Variants in LRRC72 observed in about 807,000 individuals in gnomAD.
LRRC72 encodes leucine rich repeat containing 72, also known as leucine-rich repeat-containing protein 72.
In LRRC72, 41 loss-of-function variants were observed where a neutral mutation model predicts 35.8. The ratio of observed to expected loss-of-function variants is 1.15; its 90% CI spans 0.89 to 1.49. The LOEUF (loss-of-function observed/expected upper bound fraction) is 1.49, where lower values mean the gene tolerates loss of function less well. Ranked by LOEUF, LRRC72 falls within the 40% of genes most tolerant of loss-of-function variation. LRRC72 has a pLI of 0.00. For synonymous variants in LRRC72, 118 were observed against 119.2 expected, an observed-to-expected ratio of 0.99 and a Z score of 0.07; for missense variants, 389 against 330.7, an observed-to-expected ratio of 1.18 and a Z score of -1.37.
At chr7:16,540,274 G>T (rs752679701) in intron 3 of LRRC72, among the ~76,000 whole-genome samples, 19 of 152,172 alleles carry the variant, frequency 1.2e-4, no homozygotes, top group Non-Finnish European at 2.4e-4. Flanking sequence ...GCCCCACCTG[G>T]TTTCTGAATT....
intron 3 of LRRC72, among the ~76,000 whole-genome samples, chr7:16,552,512 G>T (rs1299046546): frequency 6.6e-6 from 1 of 152,192 alleles, no homozygotes; most frequent in Non-Finnish European, 1.5e-5. Flanking sequence ...AACAAGTGCA[G>T]TTACTTGTGT....
chr7:16,564,622 C>A (rs1022607437), intron 5 of LRRC72, among the ~76,000 whole-genome samples: 2 of 152,002 alleles, frequency 1.3e-5, no homozygotes, highest in African/African-American at 4.8e-5. Context: ...TATGCCTTTC[C>A]TCACTCCTGT....
At chr7:16,528,011 A>G (rs1470688650) in intron 1 of LRRC72, among the ~76,000 whole-genome samples, 1 of 152,064 alleles carries the variant, frequency 6.6e-6, no homozygotes, top group Admixed American at 6.6e-5. Context: ...TTCTCCTTTT[A>G]GGTTAACCAA....
chr7:16,561,098 A>C (rs1006552763), intron 5 of LRRC72, among the ~76,000 whole-genome samples: 3 of 152,050 alleles, frequency 2.0e-5, no homozygotes, highest in African/African-American at 4.8e-5. Flanking sequence ...TTTATAATCT[A>C]TTCATTCATT....
Position 16,558,874 on chromosome 7 carries a change from T to A in LRRC72, c.317-15T>A. On this transcript the variant is annotated splice_polypyrimidine_tract_variant and intron_variant, in intron 4 of 8. Transcript: ENST00000401542. Reference sequence around the variant, plus strand: ...AAATGTTTAAAATCTTGTAAAAATATTCTGTTTTTTTTAGGTCTGCATTAT... The same window carrying A: ...AAATGTTTAAAATCTTGTAAAAATAATCTGTTTTTTTTAGGTCTGCATTAT... 1.5e-6 allele frequency: 2 copies of A among 1,347,442 alleles called. No homozygotes were observed. The highest frequency in any genetic ancestry group is 2.0e-6 in the Non-Finnish European group (2 of 1,021,718). 83.5% of individuals were successfully genotyped at this position (1,347,442 alleles called of 1,614,324 possible).
intron 1 of LRRC72, among the ~76,000 whole-genome samples, chr7:16,527,477 T>C (rs926243318): frequency 6.6e-6 from 1 of 152,028 alleles, no homozygotes; most frequent in East Asian, 1.9e-4. Context: ...TGTGTGGATG[T>C]GGGTGTGGGT....
chr7:16,574,810 T>C (rs1783009221), intron 7 of LRRC72, among the ~76,000 whole-genome samples: 1 of 151,198 alleles, frequency 6.6e-6, no homozygotes, highest in South Asian at 2.1e-4. Flanking sequence ...AATATATATA[T>C]ATATATTTTA....
chr7:16,565,526 AAT>A (rs1414611399), intron 5 of LRRC72, among the ~76,000 whole-genome samples: 4 of 152,208 alleles, frequency 2.6e-5, no homozygotes, highest in African/African-American at 9.6e-5. Context: ...GAATAGGGAA[AAT>A]ATCTTTTTTT....
At chr7:16,579,527 G>GT (rs1783104899) in intron 7 of LRRC72, among the ~76,000 whole-genome samples, 1 of 152,056 alleles carries the variant, frequency 6.6e-6, no homozygotes, top group South Asian at 2.1e-4. Flanking sequence ...GGAAGACACC[G>GT]TAAGAAATCC....
chr7:16,536,943 A>T (rs1229430915), intron 2 of LRRC72: 3 of 152,200 alleles, frequency 2.0e-5, no homozygotes, highest in Non-Finnish European at 4.4e-5. Flanking sequence ...AGATCCAACT[A>T]CTCCAGGCCA....
In LRRC72 at chr7:16,581,503, T is replaced by A. The variant is rs1219501062; in HGVS notation, c.*14T>A. ...ACACTGAGATAAGCCCTGGTATTTC[T>A]AGATATCTTAGTGGTTTTCAGTTGT... On this transcript the variant is annotated 3_prime_UTR_variant, in exon 9 of 9. Coordinates refer to ENST00000401542, the MANE Select transcript of LRRC72 (RefSeq NM_001195280.2). The A allele has an allele frequency of 6.6e-7, 1 of 1,520,234 alleles. No individual in the cohort carries two copies. Among genetic ancestry groups the A allele is most frequent in the Non-Finnish European group, 8.8e-7 (1 of 1,133,054 alleles). The allele number at this position is 1,520,234 out of a possible 1,614,324, so 94.2% of individuals were successfully genotyped here.
In LRRC72 at chr7:16,537,632, T is replaced by C; in HGVS notation, c.170T>C (p.Leu57Pro). ...VFELFLSKKE[L>P]TEVIDLSRFK... ...CATTTTTTTTTTCTTTCCAGGGAAC[T>C]GACAGAGGTCATTGATCTTTCTAGG... Residue 57 changes from leucine to proline, a missense_variant, in exon 3 of 9, where the codon CTG (leucine) becomes CCG (proline). Leu to Pro is a moderately conservative substitution (Grantham distance 98). Coordinates refer to ENST00000401542, the MANE Select transcript of LRRC72 (RefSeq NM_001195280.2). The C allele has an allele frequency of 6.6e-7, 1 of 1,523,746 alleles. No individual in the cohort carries two copies. The highest frequency in any genetic ancestry group is 8.8e-7 in the Non-Finnish European group (1 of 1,131,056). 94.4% of individuals were successfully genotyped at this position (1,523,746 alleles called of 1,614,324 possible).
chr7:16,529,344 C>T (rs368571206), intron 1 of LRRC72, among the ~76,000 whole-genome samples: 1 of 152,180 alleles, frequency 6.6e-6, no homozygotes. Flanking sequence ...GCCTGACTGT[C>T]GGTTGTGCCC....
At chr7:16,528,279 G>C (rs1003707224) in intron 1 of LRRC72, among the ~76,000 whole-genome samples, 1 of 151,846 alleles carries the variant, frequency 6.6e-6, no homozygotes, top group African/African-American at 2.4e-5. Flanking sequence ...GATCTTCCTT[G>C]GATCCCACTC....
intron 7 of LRRC72, among the ~76,000 whole-genome samples, chr7:16,575,665 C>G (rs1159627089): frequency 1.3e-5 from 2 of 152,306 alleles, no homozygotes; most frequent in East Asian, 3.9e-4. Flanking sequence ...ATAAGTTGAA[C>G]TATTGTGTTA....
At chr7:16,573,082 A>C (rs948197236) in intron 7 of LRRC72, among the ~76,000 whole-genome samples, 1 of 152,186 alleles carries the variant, frequency 6.6e-6, no homozygotes, top group Non-Finnish European at 1.5e-5. Flanking sequence ...ATACCTAGGA[A>C]TACAAATTAT....
intron 3 of LRRC72, among the ~76,000 whole-genome samples, chr7:16,551,183 T>C (rs962049918): frequency 2.1e-4 from 32 of 152,102 alleles, no homozygotes; most frequent in African/African-American, 7.5e-4. Flanking sequence ...CATATGCACA[T>C]AGACAGAGAT....
rs1334515018 is a variant in LRRC72 at position 16,565,184 on chromosome 7, C to T, written c.428-1129C>T. 3.3e-5 allele frequency among the ~76,000 whole-genome samples: 5 copies of T among 152,312 alleles called. No homozygotes were observed. The East Asian group carries it at 9.7e-4, about 29-fold the overall frequency. ...ACTGGCCAGGTGCGGTGGCTGATGCCTGTATTTTGGGAGGCCAAGGTGGGC... is the reference window on the plus strand; with the variant it reads ...ACTGGCCAGGTGCGGTGGCTGATGCTTGTATTTTGGGAGGCCAAGGTGGGC... On this transcript the variant is annotated intron_variant, in intron 5 of 8. Coordinates refer to ENST00000401542, the MANE Select transcript of LRRC72 (RefSeq NM_001195280.2).
chr7:16,564,781 A>G (rs1339820114), intron 5 of LRRC72, among the ~76,000 whole-genome samples: 1 of 151,834 alleles, frequency 6.6e-6, no homozygotes, highest in East Asian at 1.9e-4. Flanking sequence ...ATGCTTTATT[A>G]CTACAGAGAA....
Sources: gnomAD v4.1 joint callset for allele counts (sites outside exome capture counted in the v4.1 genomes callset) on GRCh38, gnomAD v4.1.1 for gene constraint, MANE v1.5 for transcripts, NCBI Gene and HGNC (gene_info 2026-07-23, HGNC 2026-07-21) for gene names.